SPHKAP: variants seen among roughly 807,000 people sequenced by gnomAD.
The protein encoded by SPHKAP is A-kinase anchor protein SPHKAP.
SPHKAP carries 67 observed loss-of-function variants against 137.5 expected under a neutral mutation model. The ratio of observed to expected loss-of-function variants is 0.49; its 90% confidence interval spans 0.40 to 0.60. The LOEUF (loss-of-function observed/expected upper bound fraction) is 0.60. SPHKAP is among the 20% of genes least tolerant of loss of function. The probability of loss-of-function intolerance (pLI) is 0.00; values close to 1 mark genes in which losing one functional copy is unlikely to be tolerated. For missense variants in SPHKAP, 2,097 were observed against 2,069.3 expected, an observed-to-expected ratio of 1.01 and a Z score of -0.26; for synonymous variants, 813 against 785.3, an observed-to-expected ratio of 1.04 and a Z score of -0.59.
rs1698421055 is a variant in SPHKAP, at chr2:228,108,804, C to A, written c.246+28G>T. On this transcript the variant is annotated intron_variant, in intron 3 of 11. Transcript: ENST00000392056. Reference sequence around the variant, plus strand: ...GTGCCCGCTTCCCTGCTTTATCAGACAACATCCCAAGAATTCTGTGTACTT... The same window carrying A: ...GTGCCCGCTTCCCTGCTTTATCAGAAAACATCCCAAGAATTCTGTGTACTT... 4 of 1,547,890 alleles carry A rather than the reference C, an allele frequency of 2.6e-6. No individual in the cohort carries two copies. The East Asian group carries it at 6.9e-5, about 27-fold the overall frequency.
chr2:228,178,175 A>G (rs933261096), intron 1 of SPHKAP, among the ~76,000 whole-genome samples: 6 of 152,234 alleles, frequency 3.9e-5, no homozygotes, highest in South Asian at 2.1e-4. Context: ...CATTTAAAAT[A>G]AAGTATGGAT....
At chr2:228,045,455 G>A (rs1696005464) in intron 3 of SPHKAP, among the ~76,000 whole-genome samples, 1 of 148,296 alleles carries the variant, frequency 6.7e-6, no homozygotes, top group African/African-American at 2.5e-5. Context: ...GTAGGGACAT[G>A]GATGAAGCTG....
chr2:228,023,005 G>A (rs1218292293), intron 5 of SPHKAP, among the ~76,000 whole-genome samples: 1 of 152,146 alleles, frequency 6.6e-6, no homozygotes, highest in African/African-American at 2.4e-5. Context: ...CCAGCGTATG[G>A]GAAAAACAGT....
chr2:228,008,475 A>G (rs1694227240), intron 7 of SPHKAP, among the ~76,000 whole-genome samples: 1 of 151,968 alleles, frequency 6.6e-6, no homozygotes, highest in Non-Finnish European at 1.5e-5. Flanking sequence ...TTGTATTTTT[A>G]GTAGAGACAG....
chr2:228,130,351 T>G (rs1226185308), intron 2 of SPHKAP, among the ~76,000 whole-genome samples: 1 of 152,226 alleles, frequency 6.6e-6, no homozygotes, highest in Non-Finnish European at 1.5e-5. Flanking sequence ...ATCTTTATTT[T>G]GAGTGCATGA....
chr2:228,015,345 A>G, intron 7 of SPHKAP, among the ~76,000 whole-genome samples: 1 of 151,690 alleles, frequency 6.6e-6, no homozygotes, highest in Non-Finnish European at 1.5e-5. Context: ...GGTTGGTTCC[A>G]AGTCTTTGCT....
At chr2:228,081,135 G>T (rs533655698) in intron 3 of SPHKAP, among the ~76,000 whole-genome samples, 39 of 152,294 alleles carry the variant, frequency 2.6e-4, no homozygotes, top group African/African-American at 9.1e-4. Context: ...GCAGAGAAAA[G>T]GTTATATATC....
chr2:228,117,586 G>T (rs900879475), intron 2 of SPHKAP, among the ~76,000 whole-genome samples: 3 of 152,134 alleles, frequency 2.0e-5, no homozygotes, highest in African/African-American at 7.2e-5. Context: ...TATTTGCTTG[G>T]CAAGATAATG....
At chr2:228,138,362 T>C (rs180823913) in intron 1 of SPHKAP, among the ~76,000 whole-genome samples, 1 of 152,374 alleles carries the variant, frequency 6.6e-6, no homozygotes, top group East Asian at 1.9e-4. Context: ...CTGCAATAAC[T>C]TGCATAAAAT....
At chr2:228,014,050 G>C (rs1419992684) in intron 7 of SPHKAP, among the ~76,000 whole-genome samples, 1 of 152,104 alleles carries the variant, frequency 6.6e-6, no homozygotes, top group Non-Finnish European at 1.5e-5. Flanking sequence ...TTTGGAAAAA[G>C]CATTGAATTG....
intron 1 of SPHKAP, among the ~76,000 whole-genome samples, chr2:228,145,734 A>C (rs2106392242): frequency 6.6e-6 from 1 of 152,342 alleles, no homozygotes; most frequent in East Asian, 1.9e-4. Context: ...TGAGAGTATA[A>C]ACAGAACTGA....
chr2:228,104,110 G>GA (rs1277422164), intron 3 of SPHKAP, among the ~76,000 whole-genome samples: 1 of 150,580 alleles, frequency 6.6e-6, no homozygotes, highest in Non-Finnish European at 1.5e-5. Flanking sequence ...GATTTTTAAA[G>GA]AAAAAAACAC....
chr2:228,171,303 T>C (rs1283499381), intron 1 of SPHKAP, among the ~76,000 whole-genome samples: 1 of 152,142 alleles, frequency 6.6e-6, no homozygotes, highest in African/African-American at 2.4e-5. Flanking sequence ...CTTTAACTTT[T>C]CTTGACTTTG....
At chr2:228,029,540 G>A (rs1249820699) in intron 3 of SPHKAP, among the ~76,000 whole-genome samples, 1 of 152,086 alleles carries the variant, frequency 6.6e-6, no homozygotes, top group Non-Finnish European at 1.5e-5. Context: ...GGGCATTAGG[G>A]GGAAGAAAGG....
intron 3 of SPHKAP, among the ~76,000 whole-genome samples, chr2:228,096,895 A>C (rs2106333759): frequency 6.6e-6 from 1 of 152,240 alleles, no homozygotes; most frequent in Middle Eastern, 3.4e-3. Flanking sequence ...CTCTAAACTA[A>C]AAAAAACATA....
At chr2:228,071,787 AC>A (rs1697013562) in intron 3 of SPHKAP, among the ~76,000 whole-genome samples, 2 of 148,778 alleles carry the variant, frequency 1.3e-5, no homozygotes, top group African/African-American at 5.0e-5. Context: ...AAGCAATTCA[AC>A]CTTTTTTTTT....
At chr2:228,176,785 C>G (rs35467110) in intron 1 of SPHKAP, among the ~76,000 whole-genome samples, 6 of 152,182 alleles carry the variant, frequency 3.9e-5, no homozygotes, top group Non-Finnish European at 4.4e-5. Context: ...GCGGGAGAAT[C>G]GCTCAAATCC....
At chr2:228,044,957 C>T (rs1695980377) in intron 3 of SPHKAP, among the ~76,000 whole-genome samples, 1 of 152,076 alleles carries the variant, frequency 6.6e-6, no homozygotes, top group Admixed American at 6.6e-5. Flanking sequence ...AGACACTTCT[C>T]AAAAGAAGAC....
In SPHKAP at chr2:227,980,002, T is replaced by C. The variant is rs1174430231; in HGVS notation, c.*1715A>G. ...TTAATTTGCAATGTTAGGTACAACA[T>C]AGATAACTTCATCACATGGTTACAA... On this transcript the variant is annotated 3_prime_UTR_variant, in exon 12 of 12. Transcript: ENST00000392056. 1 of 152,652 alleles carries C rather than the reference T, an allele frequency of 6.6e-6. No homozygotes were observed. The allele number at this position is 152,652 out of a possible 1,614,324, so 9.5% of individuals were successfully genotyped here.
Sources: allele counts gnomAD v4.1 joint callset (sites outside exome capture counted in the v4.1 genomes callset), GRCh38; gene constraint gnomAD v4.1.1; transcripts MANE v1.5; gene names NCBI Gene and HGNC (gene_info 2026-07-23, HGNC 2026-07-21).